Variants in PTBP2 observed in about 807,000 individuals in gnomAD.
The protein encoded by PTBP2 is polypyrimidine tract-binding protein 2.
In PTBP2, 13 loss-of-function variants were observed where a neutral mutation model predicts 61.4. The observed-to-expected ratio is 0.21, with a 90% CI of 0.14 to 0.34. The LOEUF (loss-of-function observed/expected upper bound fraction) is 0.34. Among genes scored for constraint, PTBP2 ranks in the 10% least tolerant of loss-of-function variants. PTBP2 has a pLI of 1.00. For missense variants in PTBP2, 405 were observed against 642.6 expected (o/e 0.63, Z 4.00); for synonymous variants, 215 against 218.5 (o/e 0.98, Z 0.14).
intron 1 of PTBP2, among the ~76,000 whole-genome samples, chr1:96,722,535 G>GA (rs375895314): frequency 2.6e-4 from 39 of 151,374 alleles, no homozygotes; most frequent in African/African-American, 4.1e-4. Flanking sequence ...CGGGAGGGAG[G>GA]AAAAAATGCC....
At chr1:96,745,939 G>A (rs935810197) in intron 2 of PTBP2, among the ~76,000 whole-genome samples, 2 of 151,944 alleles carry the variant, frequency 1.3e-5, no homozygotes, top group African/African-American at 4.8e-5. Flanking sequence ...GGTGGTGGGT[G>A]CCTGTAGTCC....
At chr1:96,749,407 A>T (rs1220321185) in intron 2 of PTBP2, among the ~76,000 whole-genome samples, 4 of 152,202 alleles carry the variant, frequency 2.6e-5, no homozygotes, top group Non-Finnish European at 5.9e-5. Flanking sequence ...TAGGAGAGTT[A>T]AAGTGTTTTT....
chr1:96,753,928 CTGACATGTA>C, intron 3 of PTBP2, among the ~76,000 whole-genome samples: 1 of 152,076 alleles, frequency 6.6e-6, no homozygotes, highest in Non-Finnish European at 1.5e-5. Flanking sequence ...ATGAAGCAGT[CTGACATGTA>C]AGTTGAATTT....
At chr1:96,803,125 A>C (rs1171339636) in intron 8 of PTBP2, among the ~76,000 whole-genome samples, 3 of 152,198 alleles carry the variant, frequency 2.0e-5, no homozygotes, top group Non-Finnish European at 4.4e-5. Context: ...GTAATATAGT[A>C]GAATATTTGG....
rs1006149622 is a variant in PTBP2, at chr1:96,793,312, A to G, written c.904+8058A>G. Reference sequence around the variant, plus strand: ...GAAGTCTTAAAATGTGTCTTTTGGAAAAAACATTGGAAGAGCTAAAGTAGA... The same window carrying G: ...GAAGTCTTAAAATGTGTCTTTTGGAGAAAACATTGGAAGAGCTAAAGTAGA... On this transcript the variant is annotated intron_variant, in intron 8 of 13. Transcript: ENST00000674951. Among the ~76,000 whole-genome samples the G allele has an allele frequency of 2.6e-5, 4 of 152,304 alleles. No individual in the cohort carries two copies. The South Asian group carries it at 6.2e-4, about 24-fold the overall frequency.
At chr1:96,754,802 G>A (rs551960709) in intron 3 of PTBP2, among the ~76,000 whole-genome samples, 8 of 152,100 alleles carry the variant, frequency 5.3e-5, no homozygotes, top group Non-Finnish European at 8.8e-5. Flanking sequence ...GGAGCTATCC[G>A]TATGCAAAAA....
chr1:96,777,659 C>T lies in PTBP2; in HGVS notation c.507C>T (p.Ser169=), dbSNP rs769192340. 34 of 1,613,150 alleles carry T rather than the reference C, an allele frequency of 2.1e-5. No homozygotes were observed. Among genetic ancestry groups the T allele is most frequent in the Admixed American group, 3.3e-5 (2 of 59,956 alleles). ...ANTPLSGTTV[S]ESAVTPAQSP... is the part of the protein sequence containing the mutation. ...CTCCTCTTAGTGGCACCACAGTTAG[C>T]GAGAGTGCAGTGACTCCAGCCCAGA... Residue 169 remains serine (S), a synonymous_variant, in exon 6 of 14, where the codon AGC becomes AGT. Coordinates refer to ENST00000674951, the MANE Select transcript of PTBP2 (RefSeq NM_021190.4).
chr1:96,764,762 A>AG (rs1352960493), intron 3 of PTBP2, among the ~76,000 whole-genome samples: 1 of 152,218 alleles, frequency 6.6e-6, no homozygotes, highest in African/African-American at 2.4e-5. Flanking sequence ...TTGCATATAA[A>AG]GGTAGTGAGA....
In PTBP2 at chr1:96,726,101, A is replaced by T. The variant is rs867539789; in HGVS notation, c.39+2507A>T. Among the ~76,000 whole-genome samples, 101 of 123,542 alleles carry T rather than the reference A, an allele frequency of 8.2e-4. 1 individual carries two copies. The South Asian group carries it at 0.011, about 13-fold the overall frequency. The allele number at this position is 123,542 out of a possible 152,430, so 81.0% of individuals were successfully genotyped here. A position where few individuals can be genotyped will look rare whatever the true frequency, so the allele number is the denominator to read the frequency against. On this transcript the variant is annotated intron_variant, in intron 2 of 13. Transcript: ENST00000674951. ...AAAAAAAAAAAAAAAAAAAAAAAAAAAAAAAAAAAATTCAAACTGCTTCAC... is the reference window on the plus strand; with the variant it reads ...AAAAAAAAAAAAAAAAAAAAAAAAATAAAAAAAAAATTCAAACTGCTTCAC...
At chr1:96,803,902 T>C (rs1223176938) in intron 8 of PTBP2, among the ~76,000 whole-genome samples, 2 of 152,180 alleles carry the variant, frequency 1.3e-5, no homozygotes, top group Non-Finnish European at 2.9e-5. Flanking sequence ...AGTGAACCAG[T>C]ATTTATGAGA....
In PTBP2 at chr1:96,749,523, A is replaced by T. The variant is rs1242808714; in HGVS notation, c.40-1902A>T. On this transcript the variant is annotated intron_variant, in intron 2 of 13. Coordinates refer to ENST00000674951, the MANE Select transcript of PTBP2 (RefSeq NM_021190.4). ...CACTTAAGTTTTGTTTTTGTTTCTT[A>T]CTTTTAGAATATCTGATCTGGACTT... is the stretch of plus-strand genomic sequence containing the variant. 5 of 346,874 alleles carry T rather than the reference A, an allele frequency of 1.4e-5. 1 individual carries two copies. The highest frequency in any genetic ancestry group is 3.4e-5 in the Admixed American group (1 of 29,146). The allele number at this position is 346,874 out of a possible 1,614,324, so 21.5% of individuals were successfully genotyped here.
In PTBP2 at chr1:96,726,074, C is replaced by CAAAAAAAAAAAAAAAAAAAAA. The variant is rs762152365; in HGVS notation, c.39+2497_39+2517dup. Among the ~76,000 whole-genome samples the CAAAAAAAAAAAAAAAAAAAAA allele has an allele frequency of 5.5e-5, 3 of 54,190 alleles. 1 individual carries two copies. The highest frequency in any genetic ancestry group is 9.6e-5 in the Non-Finnish European group (3 of 31,188). The allele number at this position is 54,190 out of a possible 152,430, so 35.6% of individuals were successfully genotyped here. A position where few individuals can be genotyped will look rare whatever the true frequency, so the allele number is the denominator to read the frequency against. ...TGGGCGACAGAGACAGACTCTATCT[C>CAAAAAAAAAAAAAAAAAAAAA]AAAAAAAAAAAAAAAAAAAAAAAAA... On this transcript the variant is annotated intron_variant, in intron 2 of 13. Coordinates refer to ENST00000674951, the MANE Select transcript of PTBP2 (RefSeq NM_021190.4).
chr1:96,788,522 C>A (rs1659447729), intron 8 of PTBP2, among the ~76,000 whole-genome samples: 1 of 151,988 alleles, frequency 6.6e-6, no homozygotes, highest in African/African-American at 2.4e-5. Context: ...ATCTTTTCTT[C>A]TAATTATTTA....
intron 3 of PTBP2, among the ~76,000 whole-genome samples, chr1:96,758,024 T>A (rs1342902460): frequency 1.3e-5 from 2 of 152,072 alleles, no homozygotes; most frequent in Non-Finnish European, 2.9e-5. Context: ...AAGGTCGAGA[T>A]AATCACTTTC....
chr1:96,772,420 A>G (rs1169690473), intron 5 of PTBP2, among the ~76,000 whole-genome samples: 2 of 152,156 alleles, frequency 1.3e-5, no homozygotes, highest in South Asian at 2.1e-4. Context: ...GTTGTATGCC[A>G]GGAAATGGGG....
chr1:96,780,161 C>G (rs1658491304), intron 7 of PTBP2, among the ~76,000 whole-genome samples: 1 of 151,946 alleles, frequency 6.6e-6, no homozygotes, highest in South Asian at 2.1e-4. Context: ...TATCTAAGAC[C>G]AATAAACACC....
chr1:96,750,392 GT>G (rs200064706), intron 2 of PTBP2, among the ~76,000 whole-genome samples: 9,647 of 145,762 alleles, frequency 0.066, 949 homozygotes, highest in African/African-American at 0.22. Context: ...GTATTTTTCT[GT>G]TTTTTTTTTT....
chr1:96,760,907 A>G (rs1231348096), intron 3 of PTBP2, among the ~76,000 whole-genome samples: 1 of 152,230 alleles, frequency 6.6e-6, no homozygotes, highest in African/African-American at 2.4e-5. Context: ...CCAAATGTTT[A>G]TCAACAGGAA....
intron 11 of PTBP2, among the ~76,000 whole-genome samples, chr1:96,810,951 C>T (rs949446437): frequency 6.6e-6 from 1 of 151,932 alleles, no homozygotes; most frequent in African/African-American, 2.4e-5. Flanking sequence ...AAAATTCAGA[C>T]TTGTGAGAAG....
Sources: allele counts gnomAD v4.1 joint callset (sites outside exome capture counted in the v4.1 genomes callset), GRCh38; gene constraint gnomAD v4.1.1; transcripts MANE v1.5; gene names NCBI Gene and HGNC (gene_info 2026-07-23, HGNC 2026-07-21).